The following PRRC2B variants were observed in gnomAD, a reference collection of about 807,000 sequenced individuals.
PRRC2B encodes protein PRRC2B.
PRRC2B carries 68 observed loss-of-function variants against 242.3 expected under a neutral mutation model. The observed-to-expected ratio is 0.28, with a 90% CI of 0.23 to 0.34. The LOEUF (loss-of-function observed/expected upper bound fraction) is 0.34. Among genes scored for constraint, PRRC2B ranks in the 10% least tolerant of loss-of-function variants. PRRC2B has a pLI of 1.00. For missense variants in PRRC2B, 2,835 were observed against 2,954.8 expected, an observed-to-expected ratio of 0.96 and a Z score of 0.94; for synonymous variants, 1,228 against 1,173.6, an observed-to-expected ratio of 1.05 and a Z score of -0.95.
chr9:131,461,805 G>T (rs977408809), intron 11 of PRRC2B, among the ~76,000 whole-genome samples: 2 of 152,024 alleles, frequency 1.3e-5, no homozygotes, highest in Non-Finnish European at 2.9e-5. Context: ...GGGATTTCAG[G>T]TGTGAGCCAC....
intron 5 of PRRC2B, 114 bp downstream of exon 5, chr9:131,439,175 A>G (rs1838473792): frequency 9.9e-6 from 8 of 811,956 alleles, no homozygotes; most frequent in South Asian, 9.2e-5. Context: ...ACTCTCTTCC[A>G]CAAAGAGGTA....
At chr9:131,426,048 T>A (rs1837966119) in intron 1 of PRRC2B, among the ~76,000 whole-genome samples, 1 of 151,420 alleles carries the variant, frequency 6.6e-6, no homozygotes, top group South Asian at 2.1e-4. Flanking sequence ...TAAGAAATCA[T>A]TCGATGTTGC....
intron 10 of PRRC2B, among the ~76,000 whole-genome samples, chr9:131,458,317 G>A (rs567923970): frequency 6.6e-6 from 1 of 152,148 alleles, no homozygotes; most frequent in African/African-American, 2.4e-5. Flanking sequence ...TCCCTGTGAG[G>A]GGTGCCCCGT....
rs1241658681 is a variant in PRRC2B, at chr9:131,394,374, G to A, written c.-52+111G>A. 4 of 146,056 alleles carry A rather than the reference G, an allele frequency of 2.7e-5. No individual in the cohort carries two copies. In the East Asian group the frequency reaches 7.9e-4, roughly 29 times the overall value. The allele number at this position is 146,056 out of a possible 1,614,324, so 9.0% of individuals were successfully genotyped here. ...CGCGGCCGCCGCCGGGGGCCCGGGGGCCCTGCGGCCCTGCCCGACCTTTGT... is the reference window on the plus strand; with the variant it reads ...CGCGGCCGCCGCCGGGGGCCCGGGGACCCTGCGGCCCTGCCCGACCTTTGT... On this transcript the variant is annotated intron_variant, in intron 1 of 31. Transcript: ENST00000683519.
chr9:131,428,762 C>T (rs1369183658), intron 1 of PRRC2B, among the ~76,000 whole-genome samples: 1 of 152,074 alleles, frequency 6.6e-6, no homozygotes, highest in Non-Finnish European at 1.5e-5. Context: ...CTCCTGGCTT[C>T]AAGCAGTCCT....
chr9:131,467,590 C>T lies in PRRC2B; in HGVS notation c.1748C>T (p.Thr583Ile). The T allele has an allele frequency of 6.2e-7, 1 of 1,611,384 alleles. No homozygotes were observed. Among genetic ancestry groups the T allele is most frequent in the Non-Finnish European group, 8.5e-7 (1 of 1,178,772 alleles). The change falls in exon 13 of 32, where the codon ACC (threonine) becomes ATC (isoleucine). Residue 583 changes from threonine (T) to isoleucine (I), a missense_variant. By Grantham distance (89) the Thr-to-Ile change is moderately conservative. Transcript: ENST00000683519. ...TCCCCAGAATTCCCTGCCCAAGAGA[C>T]CCCCACCACATTCCCAGAAGAGGCA... The part of the protein sequence containing the change: ...KGSPEFPAQE[T>I]PTTFPEEAPT...
intron 19 of PRRC2B, among the ~76,000 whole-genome samples, chr9:131,481,131 C>T (rs563559568): frequency 1.2e-3 from 179 of 151,704 alleles, no homozygotes; most frequent in African/African-American, 3.9e-3. Context: ...GAAACCCCGT[C>T]GCTCCTAAAA....
intron 4 of PRRC2B, among the ~76,000 whole-genome samples, chr9:131,438,631 C>G (rs1838454543): frequency 6.6e-6 from 1 of 152,150 alleles, no homozygotes; most frequent in African/African-American, 2.4e-5. Context: ...GTCGCTGGAG[C>G]AAAATAAAGT....
At chr9:131,389,996 C>T (rs575421251), upstream of PRRC2B, among the ~76,000 whole-genome samples, 1 of 139,118 alleles carries the variant, frequency 7.2e-6, no homozygotes, top group East Asian at 2.3e-4. Flanking sequence ...TCTTGGCTCA[C>T]TGCAACCTCC....
intron 1 of PRRC2B, among the ~76,000 whole-genome samples, chr9:131,398,717 G>C (rs1379134201): frequency 6.6e-6 from 1 of 152,212 alleles, no homozygotes; most frequent in Non-Finnish European, 1.5e-5. Flanking sequence ...GGTGGCTCAT[G>C]CCTGTAATCC....
At chr9:131,430,550 G>GGTGTGTGT (rs759350366) in intron 2 of PRRC2B, among the ~76,000 whole-genome samples, 28 of 82,740 alleles carry the variant, frequency 3.4e-4, no homozygotes, top group African/African-American at 8.8e-4. Context: ...GATATCTATA[G>GGTGTGTGT]GTGTGTGTGT....
At chr9:131,448,583 A>AGTCTGGCTGTGTTTCCCATTCTGGAGTG (rs1838905834) in intron 9 of PRRC2B, among the ~76,000 whole-genome samples, 11 of 146,456 alleles carry the variant, frequency 7.5e-5, no homozygotes, top group Admixed American at 6.9e-4. Context: ...AAAGAGAAAG[A>AGTCTGGCTGTGTTTCCCATTCTGGAGTG]GTCTGGCTGT....
In PRRC2B at chr9:131,487,164, C is replaced by T. The variant is rs763762150; in HGVS notation, c.5857-3C>T. The T allele has an allele frequency of 4.3e-6, 7 of 1,613,436 alleles. No homozygotes were observed. The highest frequency in any genetic ancestry group is 3.3e-5 in the South Asian group (3 of 91,032). On this transcript the variant is annotated splice_polypyrimidine_tract_variant and splice_region_variant and intron_variant, in intron 26 of 31. Coordinates refer to ENST00000683519, the MANE Select transcript of PRRC2B (RefSeq NM_013318.4). The surrounding 1 kb of genome is among the most constrained non-coding windows in gnomAD (Gnocchi z 5.3). Reference sequence around the variant, plus strand: ...CTCCCCGACCCCGTTTTCCCGTTCACAGGCCGCCGCTGCCCAGCAGATCCC... The same window carrying T: ...CTCCCCGACCCCGTTTTCCCGTTCATAGGCCGCCGCTGCCCAGCAGATCCC...
chr9:131,460,970 G>A, intron 11 of PRRC2B, among the ~76,000 whole-genome samples: 1 of 152,090 alleles, frequency 6.6e-6, no homozygotes, highest in South Asian at 2.1e-4. Flanking sequence ...ATATGTGTGT[G>A]CACAAATACA....
chr9:131,376,046 C>G (rs1250493858), intron 1 of PRRC2B, among the ~76,000 whole-genome samples: 5 of 73,006 alleles, frequency 6.8e-5, no homozygotes, highest in Non-Finnish European at 1.3e-4. Context: ...GAGACTGTCT[C>G]AAAAAAAAAA....
intron 5 of PRRC2B, among the ~76,000 whole-genome samples, chr9:131,443,298 T>TG (rs752623092): frequency 8.0e-5 from 12 of 150,272 alleles, no homozygotes; most frequent in South Asian, 2.1e-4. Flanking sequence ...CACGTCTGGC[T>TG]AATTTTTTTT....
chr9:131,420,493 C>CTT lies in PRRC2B; in HGVS notation c.-51-9585_-51-9584dup, dbSNP rs146073511. On this transcript the variant is annotated intron_variant, in intron 1 of 31. Coordinates refer to ENST00000683519, the MANE Select transcript of PRRC2B (RefSeq NM_013318.4). The stretch of plus-strand genomic sequence containing the variant: ...TCTTTCTTTCTTTCTTTCTTTCTTT[C>CTT]TTTTTTTTTTTTTTTTTGAGATGGA... Among the ~76,000 whole-genome samples, 23 of 30,170 alleles carry CTT rather than the reference C, an allele frequency of 7.6e-4. 1 individual carries two copies. Among genetic ancestry groups the CTT allele is most frequent in the South Asian group, 2.3e-3 (1 of 428 alleles). The allele number at this position is 30,170 out of a possible 152,430, so 19.8% of individuals were successfully genotyped here.
At chr9:131,461,256 G>T in intron 11 of PRRC2B, among the ~76,000 whole-genome samples, 1 of 152,300 alleles carries the variant, frequency 6.6e-6, no homozygotes. Flanking sequence ...ACTCCTGGAT[G>T]CCCTGAATGT....
At chr9:131,443,434 C>A (rs1195797433) in intron 5 of PRRC2B, among the ~76,000 whole-genome samples, 1 of 150,414 alleles carries the variant, frequency 6.6e-6, no homozygotes, top group Non-Finnish European at 1.5e-5. Flanking sequence ...CCACGCCTGG[C>A]CTATTTTTTT....
Sources: allele counts gnomAD v4.1 joint callset (sites outside exome capture counted in the v4.1 genomes callset), GRCh38; gene constraint gnomAD v4.1.1; non-coding constraint Gnocchi (gnomAD v3.1); transcripts MANE v1.5; gene names NCBI Gene and HGNC (gene_info 2026-07-23, HGNC 2026-07-21).